IP6K1: variants seen among roughly 807,000 people sequenced by gnomAD.
IP6K1 encodes ATP:1D-myo-inositol-hexakisphosphate phosphotransferase.
Under a neutral mutation model 38.3 loss-of-function variants are expected in IP6K1, and 13 were observed. That is an observed-to-expected ratio of 0.34 (90% CI 0.22 to 0.54). IP6K1 has a LOEUF of 0.54. IP6K1 is among the 20% of genes least tolerant of loss of function. The pLI, the probability that IP6K1 is intolerant of heterozygous loss-of-function variation, is 0.92. For missense variants in IP6K1, 397 were observed against 599.8 expected, an observed-to-expected ratio of 0.66 and a Z score of 3.53; for synonymous variants, 212 against 229.9, an observed-to-expected ratio of 0.92 and a Z score of 0.70.
At chr3:49,737,886 C>T (rs902232294) in intron 3 of IP6K1, among the ~76,000 whole-genome samples, 4 of 152,148 alleles carry the variant, frequency 2.6e-5, no homozygotes, top group African/African-American at 7.2e-5. Flanking sequence ...AGCCTCGCTA[C>T]GAACTAATGT....
intron 3 of IP6K1, among the ~76,000 whole-genome samples, chr3:49,735,124 G>T (rs1203199601): frequency 6.6e-6 from 1 of 152,220 alleles, no homozygotes; most frequent in African/African-American, 2.4e-5. Context: ...GGAGGCCAAG[G>T]TGGGAGGACT....
chr3:49,755,080 G>GT (rs1457209483), intron 1 of IP6K1, among the ~76,000 whole-genome samples: 1 of 148,588 alleles, frequency 6.7e-6, no homozygotes, highest in African/African-American at 2.5e-5. Flanking sequence ...ACACAGGTGT[G>GT]TGCCACCAAG....
intron 5 of IP6K1, 53 bp downstream of exon 5, chr3:49,728,050 C>G (rs2307021): frequency 0.29 from 457,385 of 1,562,222 alleles, 70,106 homozygotes; most frequent in Non-Finnish European, 0.32. Context: ...GGTATGAGCA[C>G]AACCCAAATC....
At chr3:49,761,254 G>A (rs2080865858) in intron 1 of IP6K1, among the ~76,000 whole-genome samples, 1 of 151,900 alleles carries the variant, frequency 6.6e-6, no homozygotes, top group African/African-American at 2.4e-5. Context: ...GGTGGAGGGT[G>A]CAGTGAGCGG....
chr3:49,778,919 C>G (rs1222985142), intron 1 of IP6K1, among the ~76,000 whole-genome samples: 1 of 152,142 alleles, frequency 6.6e-6, no homozygotes, highest in East Asian at 1.9e-4. Flanking sequence ...GCCACCATGT[C>G]CAGCCAATAC....
chr3:49,739,401 T>A (rs894470690), intron 2 of IP6K1, among the ~76,000 whole-genome samples: 56 of 149,918 alleles, frequency 3.7e-4, no homozygotes, highest in Non-Finnish European at 5.5e-4. Flanking sequence ...TCGCCCAGGC[T>A]GGAGTGCAGT....
intron 1 of IP6K1, among the ~76,000 whole-genome samples, chr3:49,783,605 T>C (rs2108267644): frequency 6.6e-6 from 1 of 150,386 alleles, no homozygotes; most frequent in South Asian, 2.1e-4. Context: ...CCCAGCTATT[T>C]GGGAAGCTGA....
At chr3:49,742,105 A>G (rs945798970) in intron 2 of IP6K1, among the ~76,000 whole-genome samples, 2 of 152,296 alleles carry the variant, frequency 1.3e-5, no homozygotes, top group South Asian at 4.1e-4. Context: ...AATAAAAGCC[A>G]CAGTAAATTC....
At chr3:49,735,384 C>T (rs1332031529) in intron 3 of IP6K1, among the ~76,000 whole-genome samples, 1 of 152,016 alleles carries the variant, frequency 6.6e-6, no homozygotes, top group Non-Finnish European at 1.5e-5. Flanking sequence ...GGGGAAAAGC[C>T]CACCCTAAAG....
At chr3:49,761,406 C>T (rs1489290832) in intron 1 of IP6K1, among the ~76,000 whole-genome samples, 1 of 151,842 alleles carries the variant, frequency 6.6e-6, no homozygotes, top group African/African-American at 2.4e-5. Flanking sequence ...GCGGGCGGAT[C>T]ACGAGGTCAG....
chr3:49,758,093 A>AG (rs555028894), intron 1 of IP6K1, among the ~76,000 whole-genome samples: 15 of 151,958 alleles, frequency 9.9e-5, no homozygotes, highest in Non-Finnish European at 2.2e-4. Context: ...GTGGATCACG[A>AG]GGTCAGGAGA....
chr3:49,739,710 G>C (rs999324219), intron 2 of IP6K1, among the ~76,000 whole-genome samples: 1 of 152,060 alleles, frequency 6.6e-6, no homozygotes, highest in Non-Finnish European at 1.5e-5. Flanking sequence ...TTGGAGTGCA[G>C]TGGTGCCATC....
chr3:49,774,008 C>T (rs2080983436), intron 1 of IP6K1, among the ~76,000 whole-genome samples: 1 of 143,852 alleles, frequency 7.0e-6, no homozygotes, highest in East Asian at 1.9e-4. Context: ...CACACACACA[C>T]ACACACACAC....
At position 49,727,934 on chromosome 3, in the gene IP6K1, C is replaced by T. The variant is rs553083918; in HGVS notation, c.792+169G>A. Among the ~76,000 whole-genome samples the T allele has an allele frequency of 8.5e-5, 13 of 152,256 alleles. No individual in the cohort carries two copies. The highest frequency in any genetic ancestry group is 2.9e-4 in the African/African-American group (12 of 41,532). The stretch of plus-strand genomic sequence containing the variant: ...GCAAGAGTCTTATTTGTCCCAATGT[C>T]GAGGCAGCAGACTCTCACAGTGGTC... On this transcript the variant is annotated intron_variant, in intron 5 of 5. Coordinates refer to ENST00000321599, the MANE Select transcript of IP6K1 (RefSeq NM_153273.4). The surrounding 1 kb of genome is among the most constrained non-coding windows in gnomAD (Gnocchi z 5.9).
Position 49,738,239 on chromosome 3 carries a change from G to A in IP6K1, c.407C>T (p.Ala136Val). Residue 136 changes from alanine to valine, a missense_variant, in exon 3 of 6, where the codon GCC becomes GTC. Transcript: ENST00000321599. ...CTCAGAGGTCTCAAGGGACAGGCTGGCTTTCTCCTCCTTGTGGTCACTGCC... is the reference window on the plus strand; with the variant it reads ...CTCAGAGGTCTCAAGGGACAGGCTGACTTTCTCCTCCTTGTGGTCACTGCC... ...GSGSDHKEEK[A>V]SLSLETSESS... 6.2e-7 allele frequency: 1 copy of A among 1,614,172 alleles called. No homozygotes were observed. Among genetic ancestry groups the A allele is most frequent in the Non-Finnish European group, 8.5e-7 (1 of 1,180,010 alleles).
intron 1 of IP6K1, among the ~76,000 whole-genome samples, chr3:49,766,279 G>A (rs951994414): frequency 6.6e-6 from 1 of 152,182 alleles, no homozygotes; most frequent in East Asian, 1.9e-4. Context: ...TGAGGTGGGA[G>A]AATCACTTGA....
intron 1 of IP6K1, among the ~76,000 whole-genome samples, chr3:49,764,332 T>C (rs1260158175): frequency 6.6e-6 from 1 of 151,914 alleles, no homozygotes; most frequent in Non-Finnish European, 1.5e-5. Context: ...CAGTGCGTTA[T>C]GATTGTACCA....
intron 1 of IP6K1, among the ~76,000 whole-genome samples, chr3:49,774,927 C>A (rs1218272038): frequency 1.3e-5 from 2 of 151,682 alleles, no homozygotes; most frequent in African/African-American, 2.4e-5. Flanking sequence ...ATGATCTAGT[C>A]ATATTTTCAT....
intron 1 of IP6K1, among the ~76,000 whole-genome samples, chr3:49,762,220 G>C (rs753802011): frequency 1.3e-5 from 2 of 152,092 alleles, no homozygotes; most frequent in Admixed American, 6.6e-5. Context: ...CCAAAGTGCT[G>C]GGATTACAGG....
Sources: allele counts gnomAD v4.1 joint callset (sites outside exome capture counted in the v4.1 genomes callset), GRCh38; gene constraint gnomAD v4.1.1; non-coding constraint Gnocchi (gnomAD v3.1); transcripts MANE v1.5; gene names NCBI Gene and HGNC (gene_info 2026-07-23, HGNC 2026-07-21).